The following LIFR variants were observed in gnomAD, a reference collection of about 807,000 sequenced individuals.
The protein encoded by LIFR is LIF receptor subunit alpha, also known as leukemia inhibitory factor receptor.
A neutral mutation model predicts 122.2 loss-of-function variants in LIFR; 84 were observed. The observed-to-expected ratio is 0.69, with a 90% confidence interval of 0.58 to 0.82. LIFR has a LOEUF of 0.82. LIFR is among the 40% of genes least tolerant of loss of function. LIFR has a pLI of 0.00. For missense variants in LIFR, 1,294 were observed against 1,311.6 expected (o/e 0.99, Z 0.21); for synonymous variants, 422 against 434.7 (o/e 0.97, Z 0.36).
intron 18 of LIFR, among the ~76,000 whole-genome samples, chr5:38,484,535 CTA>C (rs1394013892): frequency 6.6e-6 from 1 of 152,042 alleles, no homozygotes; most frequent in Non-Finnish European, 1.5e-5. Flanking sequence ...ATAGTAACTG[CTA>C]TGACTTTAAA....
At chr5:38,524,005 T>G (rs549986554) in intron 4 of LIFR, among the ~76,000 whole-genome samples, 4 of 152,204 alleles carry the variant, frequency 2.6e-5, no homozygotes, top group Non-Finnish European at 5.9e-5. Flanking sequence ...CAACTAGGTT[T>G]CCACAGTACT....
At chr5:38,583,922 C>T (rs1375855399) in intron 1 of LIFR, among the ~76,000 whole-genome samples, 1 of 152,150 alleles carries the variant, frequency 6.6e-6, no homozygotes, top group Non-Finnish European at 1.5e-5. Flanking sequence ...CATTGGCTCT[C>T]ATTCTGTCTT....
At chr5:38,602,131 C>T (rs1308831822) in intron 2 of LIFR, among the ~76,000 whole-genome samples, 2 of 152,212 alleles carry the variant, frequency 1.3e-5, no homozygotes, top group African/African-American at 4.8e-5. Flanking sequence ...TCACTTGTGT[C>T]CAGTTTCACA....
At chr5:38,560,594 TG>T (rs1301782844), upstream of LIFR, among the ~76,000 whole-genome samples, 1 of 151,350 alleles carries the variant, frequency 6.6e-6, no homozygotes, top group Non-Finnish European at 1.5e-5. Context: ...TGTTTTGTTT[TG>T]TTTTTTGTTT....
At chr5:38,535,454 C>A (rs1747247331) in intron 1 of LIFR, among the ~76,000 whole-genome samples, 1 of 152,180 alleles carries the variant, frequency 6.6e-6, no homozygotes, top group Non-Finnish European at 1.5e-5. Context: ...TTTTGTAAAT[C>A]TTCCTAGAAC....
chr5:38,525,423 G>A (rs1049797695), intron 4 of LIFR, among the ~76,000 whole-genome samples: 15 of 152,082 alleles, frequency 9.9e-5, no homozygotes, highest in African/African-American at 3.6e-4. Flanking sequence ...GCAGGGCTAG[G>A]GTAGCTGAAT....
chr5:38,592,806 AT>A (rs942070493), intron 1 of LIFR, among the ~76,000 whole-genome samples: 30 of 152,178 alleles, frequency 2.0e-4, no homozygotes, highest in Non-Finnish European at 7.3e-5. Flanking sequence ...TTGTACATAT[AT>A]TTGCAAATTT....
intron 12 of LIFR, among the ~76,000 whole-genome samples, chr5:38,498,052 A>C (rs1419823422): frequency 6.6e-6 from 1 of 152,198 alleles, no homozygotes; most frequent in Non-Finnish European, 1.5e-5. Context: ...GCTTTTCATA[A>C]CAACTGCCTT....
At chr5:38,505,230 A>G (rs191111753) in intron 9 of LIFR, among the ~76,000 whole-genome samples, 48 of 152,290 alleles carry the variant, frequency 3.2e-4, no homozygotes, top group African/African-American at 1.1e-3. Flanking sequence ...TCAAACTGAT[A>G]AAACAGAGAT....
intron 11 of LIFR, among the ~76,000 whole-genome samples, chr5:38,501,360 A>G (rs1745166312): frequency 6.6e-6 from 1 of 152,218 alleles, no homozygotes; most frequent in Non-Finnish European, 1.5e-5. Flanking sequence ...AACATCTATC[A>G]TTTATTTGCT....
chr5:38,521,589 T>C (rs1477178630), intron 5 of LIFR, among the ~76,000 whole-genome samples: 3 of 152,144 alleles, frequency 2.0e-5, no homozygotes, highest in African/African-American at 7.2e-5. Context: ...AGGGGGCCAA[T>C]TCTTGAGCGT....
upstream of LIFR, among the ~76,000 whole-genome samples, chr5:38,598,806 A>G (rs1404202350): frequency 6.6e-6 from 1 of 152,142 alleles, no homozygotes; most frequent in Non-Finnish European, 1.5e-5. Flanking sequence ...TGCTATAATA[A>G]TTTACTTCCT....
At chr5:38,594,534 A>G (rs1156759454) in intron 1 of LIFR, among the ~76,000 whole-genome samples, 1 of 152,102 alleles carries the variant, frequency 6.6e-6, no homozygotes, top group East Asian at 1.9e-4. Flanking sequence ...AACAGGGGAG[A>G]CTGGGAGTGG....
upstream of LIFR, among the ~76,000 whole-genome samples, chr5:38,599,818 T>C (rs1354632487): frequency 6.6e-6 from 1 of 152,116 alleles, no homozygotes; most frequent in Non-Finnish European, 1.5e-5. Context: ...AATAAAATTC[T>C]AAACCTTCTG....
intron 5 of LIFR, among the ~76,000 whole-genome samples, chr5:38,521,874 C>T (rs1746418722): frequency 6.6e-6 from 1 of 152,110 alleles, no homozygotes; most frequent in Non-Finnish European, 1.5e-5. Flanking sequence ...TGCTCAGGTG[C>T]TGATGGTGGT....
At chr5:38,584,333 C>G (rs1475582001) in intron 1 of LIFR, among the ~76,000 whole-genome samples, 1 of 152,092 alleles carries the variant, frequency 6.6e-6, no homozygotes, top group Non-Finnish European at 1.5e-5. Flanking sequence ...TATGACCCAG[C>G]AATCCCTCTT....
intron 11 of LIFR, among the ~76,000 whole-genome samples, chr5:38,500,657 A>G (rs1459541756): frequency 6.6e-6 from 1 of 152,206 alleles, no homozygotes; most frequent in African/African-American, 2.4e-5. Flanking sequence ...TACTCAGTAA[A>G]TATTTGTTGA....
chr5:38,579,633 C>T (rs1749518222), intron 1 of LIFR: 1 of 152,042 alleles, frequency 6.6e-6, no homozygotes. Context: ...GAACATTTTC[C>T]AAACACCATC....
rs1446470254 is a variant in LIFR, at chr5:38,506,613, T to C, written c.1011A>G (p.Gln337=). ...IFAGYPPDTP[Q]QLNCETHDLK... ...AATCATGTGTCTCACAATTCAGTTG[T>C]TGAGGAGTATCTGGTGGATCTAACA... Residue 337 remains glutamine, a synonymous_variant, in exon 8 of 20, where the codon CAA becomes CAG. Transcript: ENST00000453190. 1.9e-6 allele frequency: 3 copies of C among 1,613,226 alleles called. No homozygotes were observed. Among genetic ancestry groups the C allele is most frequent in the African/African-American group, 2.7e-5 (2 of 74,898 alleles).
Sources: allele counts gnomAD v4.1 joint callset (sites outside exome capture counted in the v4.1 genomes callset), GRCh38; gene constraint gnomAD v4.1.1; transcripts MANE v1.5; gene names NCBI Gene and HGNC (gene_info 2026-07-23, HGNC 2026-07-21).